RYR3: variants seen among roughly 807,000 people sequenced by gnomAD.
RYR3 encodes the protein ryanodine receptor 3.
RYR3 carries 207 observed loss-of-function variants against 584.3 expected under a neutral mutation model. The observed-to-expected ratio is 0.35, with a 90% CI of 0.32 to 0.40. RYR3 has a LOEUF of 0.40. Among genes scored for constraint, RYR3 ranks in the 10% least tolerant of loss-of-function variants. The probability of loss-of-function intolerance (pLI) is 1.00; values close to 1 mark genes in which losing one functional copy is unlikely to be tolerated. For synonymous variants in RYR3, 2,416 were observed against 2,248.5 expected, an observed-to-expected ratio of 1.07 and a Z score of -2.11; for missense variants, 5,616 against 6,089.2, an observed-to-expected ratio of 0.92 and a Z score of 2.59.
intron 2 of RYR3, among the ~76,000 whole-genome samples, chr15:33,485,537 A>G (rs2050342660): frequency 1.3e-5 from 2 of 152,218 alleles, no homozygotes; most frequent in Non-Finnish European, 2.9e-5. Context: ...TGACTTTCAG[A>G]TAAATGAGGA....
intron 73 of RYR3, 134 bp from the exon 74 acceptor site, chr15:33,813,333 C>A: frequency 1.4e-6 from 1 of 720,858 alleles, no homozygotes; most frequent in Non-Finnish European, 2.4e-6. Context: ...ATCATCTGCT[C>A]CTGGGTGCAT....
chr15:33,468,951 A>T (rs1309948548), intron 1 of RYR3, among the ~76,000 whole-genome samples: 1 of 152,214 alleles, frequency 6.6e-6, no homozygotes, highest in Non-Finnish European at 1.5e-5. Flanking sequence ...TTTCATTTGC[A>T]AAATGGAGAC....
chr15:33,543,619 C>G lies in RYR3; in HGVS notation c.647-3C>G. 6.3e-7 allele frequency: 1 copy of G among 1,578,390 alleles called. No homozygotes were observed. Among genetic ancestry groups the G allele is most frequent in the Non-Finnish European group, 8.7e-7 (1 of 1,147,550 alleles). ...TTCACAGTAGAATATAATTCTCTTA[C>G]AGGATACCTACTTGGTGGGCATGTA... On this transcript the variant is annotated splice_region_variant and splice_polypyrimidine_tract_variant and intron_variant, in intron 7 of 103. Transcript: ENST00000634891.
intron 1 of RYR3, among the ~76,000 whole-genome samples, chr15:33,452,464 A>T (rs2047208638): frequency 2.0e-5 from 3 of 152,200 alleles, no homozygotes; most frequent in Admixed American, 6.5e-5. Flanking sequence ...ATGTCTATGA[A>T]AATCAGACTA....
chr15:33,376,025 C>A (rs989204124), intron 1 of RYR3, among the ~76,000 whole-genome samples: 3 of 152,200 alleles, frequency 2.0e-5, no homozygotes, highest in African/African-American at 4.8e-5. Context: ...GATCGCGCCA[C>A]TGCACTCCAG....
At chr15:33,580,392 T>C (rs1011311987) in intron 13 of RYR3, among the ~76,000 whole-genome samples, 2 of 152,122 alleles carry the variant, frequency 1.3e-5, no homozygotes, top group East Asian at 1.9e-4. Context: ...GTATCAAATA[T>C]ACATTTTCAG....
chr15:33,700,413 G>A (rs2066215478), intron 41 of RYR3, among the ~76,000 whole-genome samples: 1 of 152,250 alleles, frequency 6.6e-6, no homozygotes, highest in Admixed American at 6.5e-5. Context: ...ATGAATGTGT[G>A]TAATACACAA....
Position 33,613,471 on chromosome 15 carries a change from A to C in RYR3, c.2357+96A>C, listed in dbSNP as rs1445707813. 7.2e-6 allele frequency: 9 copies of C among 1,252,460 alleles called. No homozygotes were observed. The East Asian group carries it at 1.2e-4, about 17-fold the overall frequency. The allele number at this position is 1,252,460 out of a possible 1,614,324, so 77.6% of individuals were successfully genotyped here. On this transcript the variant is annotated intron_variant, in intron 19 of 103. Coordinates refer to ENST00000634891, the MANE Select transcript of RYR3 (RefSeq NM_001036.6). Reference sequence around the variant, plus strand: ...AGCCAGCAGTCTCCTTCAGGGCTTCAGTACTGTGAACTAAGTTCCCCAGGA... The same window carrying C: ...AGCCAGCAGTCTCCTTCAGGGCTTCCGTACTGTGAACTAAGTTCCCCAGGA...
chr15:33,347,699 A>G (rs904518558), intron 1 of RYR3, among the ~76,000 whole-genome samples: 1 of 152,124 alleles, frequency 6.6e-6, no homozygotes, highest in Admixed American at 6.5e-5. Context: ...CGCCCGCCTC[A>G]GCCTCCCAAA....
rs1219022622 is a variant in RYR3, at chr15:33,854,461, A to C, written c.13860+12A>C. ...TTTTTACTGACAACGTAAGTACTGC[A>C]CCTGGAAAAACAAAATTCTATACCC... On this transcript the variant is annotated intron_variant, in intron 97 of 103. Coordinates refer to ENST00000634891, the MANE Select transcript of RYR3 (RefSeq NM_001036.6). 7.7e-6 allele frequency: 12 copies of C among 1,552,228 alleles called. No individual in the cohort carries two copies. In the Admixed American group the frequency reaches 1.0e-4, roughly 14 times the overall value.
intron 1 of RYR3, among the ~76,000 whole-genome samples, chr15:33,425,357 G>C (rs2044528893): frequency 6.6e-6 from 1 of 152,150 alleles, no homozygotes; most frequent in Admixed American, 6.5e-5. Context: ...GGGAAATTCT[G>C]ACTCCTCCTG....
At chr15:33,676,928 T>C (rs2064221076) in intron 38 of RYR3, among the ~76,000 whole-genome samples, 1 of 152,138 alleles carries the variant, frequency 6.6e-6, no homozygotes, top group Non-Finnish European at 1.5e-5. Context: ...GGAAGAGAGT[T>C]TGGTTCTCAG....
At position 33,800,784 on chromosome 15, in the gene RYR3, A is replaced by G; in HGVS notation, c.9845A>G (p.Lys3282Arg). ...TTTGGACCCAGATCTAACTGGCTGAAAAGTCCTGATGCTGATTCTGACCAG... is the reference window on the plus strand; with the variant it reads ...TTTGGACCCAGATCTAACTGGCTGAGAAGTCCTGATGCTGATTCTGACCAG... ...YVDNNRSNWL[K>R]SPDADSDQLF... The change falls in exon 68 of 104, where the codon AAA becomes AGA. Residue 3282 changes from lysine (K) to arginine (R), a missense_variant. Lys to Arg is a conservative substitution (Grantham distance 26). Around this residue, in one of 9 missense-constraint regions of RYR3, gnomAD observed 954 missense variants for 1,132.2 expected, o/e 0.84. Transcript: ENST00000634891. 6.2e-7 allele frequency: 1 copy of G among 1,613,614 alleles called. No individual in the cohort carries two copies. The highest frequency in any genetic ancestry group is 8.5e-7 in the Non-Finnish European group (1 of 1,179,536).
intron 63 of RYR3, among the ~76,000 whole-genome samples, chr15:33,772,637 A>G (rs1324494373): frequency 6.6e-6 from 1 of 152,202 alleles, no homozygotes; most frequent in Non-Finnish European, 1.5e-5. Flanking sequence ...GTTTGCATTA[A>G]CACCATATTT....
At chr15:33,378,892 A>C (rs1431524523) in intron 1 of RYR3, among the ~76,000 whole-genome samples, 1 of 152,084 alleles carries the variant, frequency 6.6e-6, no homozygotes, top group Non-Finnish European at 1.5e-5. Context: ...TTAAGCCCAG[A>C]AGTTCAACGT....
At chr15:33,784,601 T>A (rs1395587471) in intron 65 of RYR3, among the ~76,000 whole-genome samples, 1 of 152,210 alleles carries the variant, frequency 6.6e-6, no homozygotes, top group Non-Finnish European at 1.5e-5. Context: ...CAGTGCCGGA[T>A]GTTTTTGCCC....
intron 1 of RYR3, among the ~76,000 whole-genome samples, chr15:33,323,188 T>C (rs1335556531): frequency 6.6e-6 from 1 of 152,108 alleles, no homozygotes; most frequent in Non-Finnish European, 1.5e-5. Context: ...CTCTGCTCAC[T>C]GCAAGCTCCG....
At chr15:33,567,782 T>C (rs538155595) in intron 12 of RYR3, among the ~76,000 whole-genome samples, 1 of 152,324 alleles carries the variant, frequency 6.6e-6, no homozygotes, top group African/African-American at 2.4e-5. Flanking sequence ...TCAAACCCAC[T>C]GAATCAGATA....
chr15:33,600,754 C>G (rs1275860987), intron 16 of RYR3, among the ~76,000 whole-genome samples: 6 of 152,026 alleles, frequency 3.9e-5, no homozygotes, highest in Non-Finnish European at 7.4e-5. Context: ...AGCAAAAGAC[C>G]GAAGAACAGG....
Sources: gnomAD v4.1 joint callset for allele counts (sites outside exome capture counted in the v4.1 genomes callset) on GRCh38, gnomAD v4.1.1 for gene constraint, gnomAD v4.1.1 regional missense constraint, MANE v1.5 for transcripts, NCBI Gene and HGNC (gene_info 2026-07-23, HGNC 2026-07-21) for gene names.